B3GLCT: variants seen among roughly 807,000 people sequenced by gnomAD.
The protein encoded by B3GLCT is beta-1,3-glucosyltransferase.
Under a neutral mutation model 63.4 loss-of-function variants are expected in B3GLCT, and 65 were observed. The observed-to-expected ratio is 1.03, with a 90% confidence interval of 0.84 to 1.26. The LOEUF (loss-of-function observed/expected upper bound fraction) is 1.26, where lower values mean the gene tolerates loss of function less well. Among genes scored for constraint, B3GLCT ranks in the 50% most tolerant of loss-of-function variants. B3GLCT has a pLI of 0.00. For missense variants in B3GLCT, 577 were observed against 604.8 expected, an observed-to-expected ratio of 0.95 and a Z score of 0.48; for synonymous variants, 233 against 219.2, an observed-to-expected ratio of 1.06 and a Z score of -0.55.
chr13:31,254,698 A>G (rs911016953), intron 6 of B3GLCT, among the ~76,000 whole-genome samples: 29 of 152,282 alleles, frequency 1.9e-4, no homozygotes, highest in Non-Finnish European at 2.6e-4. Context: ...AGGGCATTCA[A>G]TTAGGAAAAG....
At chr13:31,291,698 A>G (rs1016106001) in intron 12 of B3GLCT, among the ~76,000 whole-genome samples, 8 of 152,226 alleles carry the variant, frequency 5.3e-5, no homozygotes, top group African/African-American at 1.9e-4. Flanking sequence ...GTTGCTTATC[A>G]GCTTAAGGAG....
chr13:31,253,977 G>C (rs1451848747), intron 6 of B3GLCT, among the ~76,000 whole-genome samples: 1 of 152,194 alleles, frequency 6.6e-6, no homozygotes, highest in East Asian at 1.9e-4. Flanking sequence ...ACTAAACCAA[G>C]AAGAAGTCGA....
At chr13:31,295,306 G>C (rs1366499938) in intron 12 of B3GLCT, among the ~76,000 whole-genome samples, 1 of 152,196 alleles carries the variant, frequency 6.6e-6, no homozygotes, top group Non-Finnish European at 1.5e-5. Context: ...GGACCCACTT[G>C]AGGAGGGAGT....
At chr13:31,293,862 G>C (rs1873803556) in intron 12 of B3GLCT, among the ~76,000 whole-genome samples, 1 of 152,168 alleles carries the variant, frequency 6.6e-6, no homozygotes. Context: ...ATGCTAGCTG[G>C]TTATTTTGCC....
chr13:31,282,379 C>T (rs1006839753), intron 10 of B3GLCT, among the ~76,000 whole-genome samples: 6 of 152,112 alleles, frequency 3.9e-5, no homozygotes, highest in Admixed American at 2.0e-4. Context: ...GTGGCTCATG[C>T]CTGTAATCCC....
In B3GLCT at chr13:31,276,625, A is replaced by G. The variant is rs2137861828; in HGVS notation, c.781-77A>G. 6 of 899,406 alleles carry G rather than the reference A, an allele frequency of 6.7e-6. No homozygotes were observed. In the South Asian group the frequency reaches 7.9e-5, roughly 12 times the overall value. The allele number at this position is 899,406 out of a possible 1,614,324, so 55.7% of individuals were successfully genotyped here. Reference sequence around the variant, plus strand: ...TGACATTGGTTAATTTGAACTCTAGAGCGTGTGAGATCTAGTGTGGGTGTG... The same window carrying G: ...TGACATTGGTTAATTTGAACTCTAGGGCGTGTGAGATCTAGTGTGGGTGTG... On this transcript the variant is annotated intron_variant, in intron 9 of 14. Coordinates refer to ENST00000343307, the MANE Select transcript of B3GLCT (RefSeq NM_194318.4).
chr13:31,304,614 A>G (rs1167227143), intron 12 of B3GLCT, among the ~76,000 whole-genome samples: 65 of 52,932 alleles, frequency 1.2e-3, no homozygotes, highest in African/African-American at 4.9e-3. Context: ...GATCAATTCA[A>G]CAAGAGGAGC....
Position 31,247,110 on chromosome 13 carries a change from T to G in B3GLCT, c.347+11T>G. 1 of 1,600,464 alleles carries G rather than the reference T, an allele frequency of 6.2e-7. No homozygotes were observed. Among genetic ancestry groups the G allele is most frequent in the Non-Finnish European group, 8.6e-7 (1 of 1,167,804 alleles). The stretch of plus-strand genomic sequence containing the variant: ...TCCGTTGTTACCGCAGTACGTTTGT[T>G]TAACTCACCTGTGAATTACTGACAT... On this transcript the variant is annotated intron_variant, in intron 5 of 14. Coordinates refer to ENST00000343307, the MANE Select transcript of B3GLCT (RefSeq NM_194318.4).
At chr13:31,314,143 G>A (rs1042888376) in intron 12 of B3GLCT, among the ~76,000 whole-genome samples, 1 of 152,202 alleles carries the variant, frequency 6.6e-6, no homozygotes, top group Non-Finnish European at 1.5e-5. Flanking sequence ...GCAGGATAGC[G>A]GCCCTCATGG....
intron 6 of B3GLCT, among the ~76,000 whole-genome samples, chr13:31,254,124 C>G (rs1871592632): frequency 6.6e-6 from 1 of 152,196 alleles, no homozygotes; most frequent in South Asian, 2.1e-4. Flanking sequence ...ACCATTCCTT[C>G]TGAAACTACT....
chr13:31,218,663 C>T (rs1869675594), intron 2 of B3GLCT, among the ~76,000 whole-genome samples: 2 of 152,170 alleles, frequency 1.3e-5, no homozygotes, highest in Non-Finnish European at 2.9e-5. Flanking sequence ...TTGACTTCCT[C>T]TTTTCCTGTT....
At chr13:31,253,986 G>A (rs182669424) in intron 6 of B3GLCT, among the ~76,000 whole-genome samples, 149 of 152,184 alleles carry the variant, frequency 9.8e-4, no homozygotes, top group African/African-American at 3.4e-3. Context: ...AGAAGAAGTC[G>A]AATCCCTGAA....
chr13:31,277,938 T>G (rs1872878494), intron 10 of B3GLCT, among the ~76,000 whole-genome samples: 1 of 152,222 alleles, frequency 6.6e-6, no homozygotes, highest in Non-Finnish European at 1.5e-5. Context: ...AATTTTTATT[T>G]ATCATAAATT....
intron 9 of B3GLCT, 127 bp downstream of exon 9, chr13:31,274,755 G>T: frequency 1.7e-6 from 2 of 1,199,014 alleles, no homozygotes; most frequent in Middle Eastern, 2.5e-4. Flanking sequence ...GGTTATAAGG[G>T]TATATTGTGT....
intron 1 of B3GLCT, among the ~76,000 whole-genome samples, chr13:31,200,781 G>A (rs1197535703): frequency 6.6e-6 from 1 of 152,030 alleles, no homozygotes; most frequent in Non-Finnish European, 1.5e-5. Flanking sequence ...AGCCCTTCCC[G>A]GATTCCGACC....
At chr13:31,279,893 T>C (rs914912044) in intron 10 of B3GLCT, among the ~76,000 whole-genome samples, 1 of 152,328 alleles carries the variant, frequency 6.6e-6, no homozygotes, top group South Asian at 2.1e-4. Context: ...CTCAGGGATG[T>C]TCCTTGCTAA....
Position 31,253,512 on chromosome 13 carries a change from G to T in B3GLCT, c.459+5546G>T, listed in dbSNP as rs564838892. Among the ~76,000 whole-genome samples the T allele has an allele frequency of 6.1e-3, 881 of 144,056 alleles. 13 individuals are homozygous for T. Among genetic ancestry groups the T allele is most frequent in the African/African-American group, 0.021 (838 of 39,134 alleles). The allele number at this position is 144,056 out of a possible 152,430, so 94.5% of individuals were successfully genotyped here. A position where few individuals can be genotyped will look rare whatever the true frequency, so the allele number is the denominator to read the frequency against. On this transcript the variant is annotated intron_variant, in intron 6 of 14. Coordinates refer to ENST00000343307, the MANE Select transcript of B3GLCT (RefSeq NM_194318.4). ...GGAGGCTGAGGCAGGAGAATGGCGTGAACCCGGCAGGTGGAGCTTGCAGCA... is the reference window on the plus strand; with the variant it reads ...GGAGGCTGAGGCAGGAGAATGGCGTTAACCCGGCAGGTGGAGCTTGCAGCA...
chr13:31,222,344 G>A lies in B3GLCT; in HGVS notation c.121-608G>A, dbSNP rs893790085. Reference sequence around the variant, plus strand: ...ACCTGCCTCGACCTCCCAAAGTGCTGGGGTTACAGGTATGAGCCACCGCAC... The same window carrying A: ...ACCTGCCTCGACCTCCCAAAGTGCTAGGGTTACAGGTATGAGCCACCGCAC... On this transcript the variant is annotated intron_variant, in intron 2 of 14. Transcript: ENST00000343307. 5.9e-5 allele frequency among the ~76,000 whole-genome samples: 9 copies of A among 152,138 alleles called. No homozygotes were observed. The East Asian group carries it at 1.7e-3, about 29-fold the overall frequency.
chr13:31,207,645 C>T (rs1255841034), intron 1 of B3GLCT, among the ~76,000 whole-genome samples: 2 of 151,954 alleles, frequency 1.3e-5, no homozygotes, highest in Non-Finnish European at 2.9e-5. Context: ...ACTTTGTTGT[C>T]AAGTGAAGAA....
Sources: allele counts gnomAD v4.1 joint callset (sites outside exome capture counted in the v4.1 genomes callset), GRCh38; gene constraint gnomAD v4.1.1; transcripts MANE v1.5; gene names NCBI Gene and HGNC (gene_info 2026-07-23, HGNC 2026-07-21).